Variants in ATP11C observed in about 807,000 individuals in gnomAD.
ATP11C encodes the protein ATPase phospholipid transporting 11C (ATP11C blood group), also known as phospholipid-transporting ATPase IG.
Under a neutral mutation model 97.4 loss-of-function variants are expected in ATP11C, and 36 were observed. That is an observed-to-expected ratio of 0.37 (90% CI 0.28 to 0.49). The LOEUF is 0.49. Ranked by LOEUF, ATP11C falls within the 20% of genes least tolerant of loss-of-function variation. The pLI is 0.98. For synonymous variants in ATP11C, 275 were observed against 290.9 expected, an observed-to-expected ratio of 0.95 and a Z score of 0.56; for missense variants, 730 against 824.6, an observed-to-expected ratio of 0.89 and a Z score of 1.40.
chrX:139,834,514 AT>A (rs1388615653), intron 1 of ATP11C, among the ~76,000 whole-genome samples: 1 of 111,821 alleles, frequency 8.9e-6, no homozygotes, highest in Non-Finnish European at 1.9e-5. Context: ...ATAACTGATG[AT>A]CTGATTGTAA....
At position 139,789,410 on chromosome X, in the gene ATP11C, G is replaced by C. The variant is rs144350443; in HGVS notation, c.1285C>G (p.His429Asp). ...MEFIECCIDG[H>D]KYKGVTQEVD... Reference sequence around the variant, plus strand: ...TCTTGAGTTACACCTTTATATTTGTGGCCATCTATGCAGCATTCAATGAAT... The same window carrying C: ...TCTTGAGTTACACCTTTATATTTGTCGCCATCTATGCAGCATTCAATGAAT... The change falls in exon 13 of 30, where the codon CAC becomes GAC. Residue 429 changes from histidine (H) to aspartate (D), a missense_variant. By Grantham distance (81) the His-to-Asp change is moderately conservative. Transcript: ENST00000682941. 8.3e-7 allele frequency: 1 copy of C among 1,203,080 alleles called. No homozygotes were observed. The highest frequency in any genetic ancestry group is 1.8e-5 in the African/African-American group (1 of 56,930).
At chrX:139,877,404 C>T (rs1223136775) in intron 1 of ATP11C, among the ~76,000 whole-genome samples, 1 of 111,665 alleles carries the variant, frequency 9.0e-6, no homozygotes, top group Non-Finnish European at 1.9e-5. Context: ...AGACAGTAGC[C>T]GTAAGCTAAA....
intron 18 of ATP11C, among the ~76,000 whole-genome samples, chrX:139,776,216 G>A (rs1448698440): frequency 2.7e-5 from 3 of 112,437 alleles, no homozygotes; most frequent in Non-Finnish European, 3.8e-5. Flanking sequence ...TAGCGCATAT[G>A]TACCTGGAGA....
intron 1 of ATP11C, among the ~76,000 whole-genome samples, chrX:139,854,830 T>C (rs2084064197): frequency 8.9e-6 from 1 of 112,245 alleles, no homozygotes; most frequent in Non-Finnish European, 1.9e-5. Context: ...TAAGCAAGTT[T>C]TAAAACATTA....
chrX:139,877,157 G>A (rs1251903697), intron 1 of ATP11C, among the ~76,000 whole-genome samples: 1 of 111,927 alleles, frequency 8.9e-6, no homozygotes, highest in Non-Finnish European at 1.9e-5. Context: ...TGGGGCCCCT[G>A]GTCTGAGTTT....
chrX:139,934,424 T>C (rs1330789571), upstream of ATP11C, among the ~76,000 whole-genome samples: 1 of 111,240 alleles, frequency 9.0e-6, no homozygotes, highest in Non-Finnish European at 1.9e-5. Context: ...TTTTTAAGAT[T>C]TATGTTAAAT....
At chrX:139,839,648 C>A (rs1365086466) in intron 1 of ATP11C, among the ~76,000 whole-genome samples, 1 of 111,622 alleles carries the variant, frequency 9.0e-6, no homozygotes, top group Non-Finnish European at 1.9e-5. Context: ...ACCCTGAGGG[C>A]TAACCTAGCT....
chrX:139,776,890 G>A (rs954108176), intron 18 of ATP11C, among the ~76,000 whole-genome samples: 8 of 111,860 alleles, frequency 7.2e-5, no homozygotes, highest in Middle Eastern at 4.2e-3. Context: ...GAAAGCCACT[G>A]CACTGAAGCT....
intron 1 of ATP11C, among the ~76,000 whole-genome samples, chrX:139,905,815 T>TTGGAAGATCAAGGGCAAAAATGAA (rs1166306626): frequency 9.0e-6 from 1 of 111,648 alleles, no homozygotes; most frequent in Admixed American, 9.5e-5. Flanking sequence ...TAAGCAAGAT[T>TTGGAAGATCAAGGGCAAAAATGAA]TGGAAGATCA....
rs1052002440 is a variant in ATP11C at position 139,763,356 on chromosome X, G to A, written c.2454C>T (p.Ala818=). The change falls in exon 21 of 30, where the codon GCC becomes GCT. Residue 818 remains alanine, a synonymous_variant. Coordinates refer to ENST00000682941, the MANE Select transcript of ATP11C (RefSeq NM_001353812.2). ...SPITLSIGDG[A]NDVSMILESH... is the part of the protein sequence containing the mutation. ...ATTCCAAGATCATACTAACATCATT[G>A]GCACCATCACCTATCGACAGAGTTA... The A allele has an allele frequency of 1.7e-6, 2 of 1,208,819 alleles. No homozygotes were observed. Among genetic ancestry groups the A allele is most frequent in the African/African-American group, 3.5e-5 (2 of 57,216 alleles).
intron 25 of ATP11C, among the ~76,000 whole-genome samples, chrX:139,743,865 T>C (rs894822576): frequency 2.7e-5 from 3 of 111,572 alleles, no homozygotes; most frequent in Non-Finnish European, 5.7e-5. Flanking sequence ...TATTACTCCA[T>C]GCAGCACTGA....
Position 139,932,140 on chromosome X carries a change from GC to G in ATP11C, c.-99del. The G allele has an allele frequency of 1.1e-6, 1 of 872,633 alleles. No homozygotes were observed. Among genetic ancestry groups the G allele is most frequent in the Non-Finnish European group, 1.5e-6 (1 of 684,393 alleles). The allele number at this position is 872,633 out of a possible 1,213,427, so 71.9% of individuals were successfully genotyped here. A position where few individuals can be genotyped will look rare whatever the true frequency, so the allele number is the denominator to read the frequency against. ...CTGCGGCGTGGGCCGGCGGCGCCAA[GC>G]GGAGCAGCGAGGCGGGCGGCCGGGC... On this transcript the variant is annotated 5_prime_UTR_variant, in exon 1 of 30. Coordinates refer to ENST00000682941, the MANE Select transcript of ATP11C (RefSeq NM_001353812.2).
intron 19 of ATP11C, among the ~76,000 whole-genome samples, chrX:139,769,326 A>ATATATATATATATATATATATT (rs2082208344): frequency 1.5e-5 from 1 of 67,023 alleles, no homozygotes; most frequent in African/African-American, 5.6e-5. Flanking sequence ...ATATATATAT[A>ATATATATATATATATATATATT]TTCTTTAAAT....
chrX:139,740,915 G>A (rs1441445155), intron 27 of ATP11C, 76 bp downstream of exon 27: 2 of 571,734 alleles, frequency 3.5e-6, no homozygotes, highest in Admixed American at 3.3e-5. Flanking sequence ...TATAATGAAT[G>A]CTTACATATA....
chrX:139,811,471 A>G (rs915578464), intron 5 of ATP11C, among the ~76,000 whole-genome samples: 1 of 111,297 alleles, frequency 9.0e-6, no homozygotes, highest in African/African-American at 3.3e-5. Context: ...AGGCTTTCCC[A>G]TCTTATTTAA....
In ATP11C at chrX:139,932,213, C is replaced by T; in HGVS notation, c.-171G>A. 8.9e-6 allele frequency: 2 copies of T among 224,112 alleles called. No individual in the cohort carries two copies. Among genetic ancestry groups the T allele is most frequent in the Non-Finnish European group, 1.3e-5 (2 of 152,928 alleles). 18.5% of individuals were successfully genotyped at this position (224,112 alleles called of 1,213,427 possible). On this transcript the variant is annotated 5_prime_UTR_variant, in exon 1 of 30. Coordinates refer to ENST00000682941, the MANE Select transcript of ATP11C (RefSeq NM_001353812.2). ...CCTCGGCTCTCCGCGCTCCCCCGCCCCCCAGCCGCCCGCAGCCTAGCCGCC... is the reference window on the plus strand; with the variant it reads ...CCTCGGCTCTCCGCGCTCCCCCGCCTCCCAGCCGCCCGCAGCCTAGCCGCC...
At chrX:139,773,335 G>A (rs2082290699) in intron 19 of ATP11C, among the ~76,000 whole-genome samples, 1 of 110,971 alleles carries the variant, frequency 9.0e-6, no homozygotes, top group Non-Finnish European at 1.9e-5. Flanking sequence ...CTTTAGATGA[G>A]TTAATGAAGG....
At chrX:139,865,537 G>A (rs985318627) in intron 1 of ATP11C, among the ~76,000 whole-genome samples, 2 of 110,025 alleles carry the variant, frequency 1.8e-5, no homozygotes, top group Non-Finnish European at 3.8e-5. Flanking sequence ...CGAGGCGGGC[G>A]GATCACGAGG....
chrX:139,912,726 T>C (rs999827707), intron 1 of ATP11C, among the ~76,000 whole-genome samples: 1 of 68,372 alleles, frequency 1.5e-5, no homozygotes, highest in African/African-American at 5.1e-5. Context: ...CATTAATAAA[T>C]CTTCTGATTT....
Sources: gnomAD v4.1 joint callset for allele counts (sites outside exome capture counted in the v4.1 genomes callset) on GRCh38, gnomAD v4.1.1 for gene constraint, MANE v1.5 for transcripts, NCBI Gene and HGNC (gene_info 2026-07-23, HGNC 2026-07-21) for gene names.